FGD2: variants seen among roughly 807,000 people sequenced by gnomAD.
FGD2 encodes FYVE, RhoGEF and PH domain-containing protein 2.
In FGD2, 52 loss-of-function variants were observed where a neutral mutation model predicts 75.9. The observed-to-expected ratio is 0.69, with a 90% confidence interval of 0.55 to 0.86. The LOEUF is 0.86. FGD2 is among the 40% of genes least tolerant of loss of function. FGD2 has a pLI of 0.00. For synonymous variants in FGD2, 347 were observed against 348.6 expected, an observed-to-expected ratio of 1.00 and a Z score of 0.05; for missense variants, 790 against 872.0, an observed-to-expected ratio of 0.91 and a Z score of 1.18.
chr6:37,005,766 G>C lies in FGD2; in HGVS notation c.-52G>C. On this transcript the variant is annotated 5_prime_UTR_variant, in exon 1 of 16. Coordinates refer to ENST00000274963, the MANE Select transcript of FGD2 (RefSeq NM_173558.4). Reference sequence around the variant, plus strand: ...GCGTGGCTGAGTGTGCTGGCTGGAGGCCTCTCTCTCTGCTTCGAGGGTAGC... The same window carrying C: ...GCGTGGCTGAGTGTGCTGGCTGGAGCCCTCTCTCTCTGCTTCGAGGGTAGC... The C allele has an allele frequency of 6.3e-7, 1 of 1,581,468 alleles. No homozygotes were observed. Among genetic ancestry groups the C allele is most frequent in the South Asian group, 1.1e-5 (1 of 88,852 alleles).
intron 9 of FGD2, among the ~76,000 whole-genome samples, chr6:37,017,774 G>A (rs1583310424): frequency 6.6e-6 from 1 of 151,952 alleles, no homozygotes; most frequent in Non-Finnish European, 1.5e-5. Flanking sequence ...AGAGCCCCTG[G>A]GGCCTCCAGA....
At chr6:37,025,409 T>G (rs1182155745) in intron 13 of FGD2, 1 of 223,136 alleles carries the variant, frequency 4.5e-6, no homozygotes, top group East Asian at 1.0e-4. Flanking sequence ...GAGAGTCAGG[T>G]GAGATGGCGG....
rs1186633910 is a variant in FGD2 at position 37,010,826 on chromosome 6, C to G, written c.301-147C>G. On this transcript the variant is annotated intron_variant, in intron 2 of 15. Coordinates refer to ENST00000274963, the MANE Select transcript of FGD2 (RefSeq NM_173558.4). ...GCATTCTGTGAAAGCCACCCCAGGGCCGGCCCAGATGCACTGCGGGAGGCC... is the reference window on the plus strand; with the variant it reads ...GCATTCTGTGAAAGCCACCCCAGGGGCGGCCCAGATGCACTGCGGGAGGCC... The G allele has an allele frequency of 6.7e-5, 48 of 711,862 alleles. 1 individual carries two copies. In the South Asian group the frequency reaches 7.1e-4, roughly 11 times the overall value. 44.1% of individuals were successfully genotyped at this position (711,862 alleles called of 1,614,324 possible). A position where few individuals can be genotyped will look rare whatever the true frequency, so the allele number is the denominator to read the frequency against.
At chr6:37,021,421 C>A (rs1765585061) in intron 11 of FGD2, 91 bp from the exon 12 acceptor site, 1 of 1,192,842 alleles carries the variant, frequency 8.4e-7, no homozygotes, top group Non-Finnish European at 1.2e-6. Context: ...GGCTTTCAGC[C>A]CTGTCTGTTG....
At chr6:37,009,745 A>T (rs954180177) in intron 2 of FGD2, 1 of 152,214 alleles carries the variant, frequency 6.6e-6, no homozygotes, top group African/African-American at 2.4e-5. Flanking sequence ...CGGGTGCAGT[A>T]ACTCACGCCT....
At chr6:37,006,828 G>A (rs1422856076) in intron 1 of FGD2, among the ~76,000 whole-genome samples, 1 of 152,152 alleles carries the variant, frequency 6.6e-6, no homozygotes, top group Non-Finnish European at 1.5e-5. Flanking sequence ...AGGGGGAGAT[G>A]CTGAACTGCA....
At chr6:37,024,234 G>C (rs1212733615) in intron 13 of FGD2, 1 of 152,164 alleles carries the variant, frequency 6.6e-6, no homozygotes, top group East Asian at 1.9e-4. Flanking sequence ...CAGCTACTCG[G>C]GAGGCTGAGG....
At chr6:37,016,615 C>T (rs1352661141) in intron 9 of FGD2, among the ~76,000 whole-genome samples, 2 of 151,516 alleles carry the variant, frequency 1.3e-5, no homozygotes, top group African/African-American at 4.9e-5. Flanking sequence ...CTCACTGCAA[C>T]CTCCACCTCC....
At chr6:37,007,388 A>G (rs1764804035) in intron 1 of FGD2, among the ~76,000 whole-genome samples, 1 of 152,160 alleles carries the variant, frequency 6.6e-6, no homozygotes, top group Non-Finnish European at 1.5e-5. Flanking sequence ...CACCAAAGAC[A>G]GCTCTTGGGT....
intron 13 of FGD2, chr6:37,022,729 C>T (rs1191516537): frequency 9.0e-6 from 2 of 223,414 alleles, no homozygotes; most frequent in East Asian, 2.4e-4. Flanking sequence ...ACTTAGGCCT[C>T]TACCTGCCCT....
chr6:37,021,267 T>C (rs1231290212), intron 11 of FGD2, among the ~76,000 whole-genome samples: 1 of 152,118 alleles, frequency 6.6e-6, no homozygotes, highest in East Asian at 1.9e-4. Context: ...ATCTTGCTGC[T>C]TCTCATTGCC....
chr6:37,013,819 T>C, intron 5 of FGD2, 54 bp downstream of exon 5: 1 of 1,604,546 alleles, frequency 6.2e-7, no homozygotes. Context: ...ATGCAGTGGC[T>C]CAGGTTGCCT....
At chr6:37,012,533 A>G (rs1765061330) in intron 4 of FGD2, among the ~76,000 whole-genome samples, 1 of 151,920 alleles carries the variant, frequency 6.6e-6, no homozygotes, top group Non-Finnish European at 1.5e-5. Context: ...GCAACATGGT[A>G]AAACCCCATC....
At chr6:37,020,773 T>C in intron 11 of FGD2, 34 bp downstream of exon 11, 1 of 1,551,462 alleles carries the variant, frequency 6.4e-7, no homozygotes, top group Non-Finnish European at 8.7e-7. Flanking sequence ...TGGGAGTCTT[T>C]TTCCTTTCTT....
At chr6:37,008,304 G>A (rs910302270) in intron 1 of FGD2, among the ~76,000 whole-genome samples, 5 of 152,172 alleles carry the variant, frequency 3.3e-5, no homozygotes, top group Admixed American at 6.5e-5. Flanking sequence ...GGTGACCTAC[G>A]AAGGCCCGTC....
intron 13 of FGD2, 59 bp from the exon 14 acceptor site, chr6:37,025,732 AG>A (rs1765787059): frequency 6.2e-7 from 1 of 1,601,746 alleles, no homozygotes; most frequent in African/African-American, 1.3e-5. Context: ...CCACCAAGGC[AG>A]GAGCCCAGCC....
intron 15 of FGD2, 123 bp from the exon 16 acceptor site, chr6:37,027,825 C>A: frequency 8.4e-7 from 1 of 1,189,862 alleles, no homozygotes; most frequent in Non-Finnish European, 1.2e-6. Context: ...TTCACCAGCC[C>A]ACCCCCAACC....
At chr6:37,025,425 A>G (rs1473777734) in intron 13 of FGD2, 2 of 260,004 alleles carry the variant, frequency 7.7e-6, no homozygotes, top group Non-Finnish European at 1.5e-5. Context: ...GGCGGAGAGG[A>G]CAGCATTTGG....
Position 37,014,957 on chromosome 6 carries a change from C to A in FGD2, c.948C>A (p.Pro316=). ...RLGLEDDIVD[P]SNTLLREGPV... Reference sequence around the variant, plus strand: ...GCCTCGAGGACGACATAGTAGACCCCTCTAACACCCTGCTCCGTGAGGGCC... The same window carrying A: ...GCCTCGAGGACGACATAGTAGACCCATCTAACACCCTGCTCCGTGAGGGCC... The change falls in exon 8 of 16, where the codon CCC becomes CCA. Residue 316 remains proline (P), a synonymous_variant. Coordinates refer to ENST00000274963, the MANE Select transcript of FGD2 (RefSeq NM_173558.4). 11 of 1,614,178 alleles carry A rather than the reference C, an allele frequency of 6.8e-6. No individual in the cohort carries two copies. Among genetic ancestry groups the A allele is most frequent in the Non-Finnish European group, 9.3e-6 (11 of 1,180,018 alleles).
Sources: allele counts gnomAD v4.1 joint callset (sites outside exome capture counted in the v4.1 genomes callset), GRCh38; gene constraint gnomAD v4.1.1; transcripts MANE v1.5; gene names NCBI Gene and HGNC (gene_info 2026-07-23, HGNC 2026-07-21).